C4orf51: variants seen among roughly 807,000 people sequenced by gnomAD.
C4orf51 encodes the protein chromosome 4 open reading frame 51.
C4orf51 carries 25 observed loss-of-function variants against 25.2 expected under a neutral mutation model. The observed-to-expected ratio is 0.99, with a 90% CI of 0.72 to 1.39. C4orf51 has a LOEUF of 1.39. Among genes scored for constraint, C4orf51 ranks in the 40% most tolerant of loss-of-function variants. C4orf51 has a pLI of 0.00. For missense variants in C4orf51, 252 were observed against 239.6 expected, an observed-to-expected ratio of 1.05 and a Z score of -0.34; for synonymous variants, 100 against 84.5, an observed-to-expected ratio of 1.18 and a Z score of -1.01.
chr4:145,684,118 T>TAA (rs59589436), intron 1 of C4orf51, among the ~76,000 whole-genome samples: 1 of 151,896 alleles, frequency 6.6e-6, no homozygotes, highest in Admixed American at 6.5e-5. Flanking sequence ...ACAATCCAAT[T>TAA]AAAAATGGGC....
chr4:145,692,719 T>G (rs1355559366), intron 1 of C4orf51, among the ~76,000 whole-genome samples: 1 of 152,190 alleles, frequency 6.6e-6, no homozygotes, highest in Non-Finnish European at 1.5e-5. Context: ...GTTCCTGAAG[T>G]GTGAGGACCC....
chr4:145,763,192 CA>C lies in C4orf51; in HGVS notation n.167-7795del. On this transcript the variant is annotated intron_variant and non_coding_transcript_variant, in intron 1 of 1. Coordinates refer to the C4orf51 transcript ENST00000510096. This position sits in a 1 kb window ranked among gnomAD's most constrained non-coding sequence, Gnocchi z 4.6. The stretch of plus-strand genomic sequence containing the variant: ...TTATGAACAGGATATAGAGTACAAG[CA>C]GTTCCATCACAGAAAAGCAATTTAG... 6.8e-7 allele frequency: 1 copy of C among 1,471,638 alleles called. No homozygotes were observed. 91.2% of individuals were successfully genotyped at this position (1,471,638 alleles called of 1,614,324 possible). A position where few individuals can be genotyped will look rare whatever the true frequency, so the allele number is the denominator to read the frequency against.
the C4orf51 span, among the ~76,000 whole-genome samples, chr4:145,789,129 G>A: frequency 1.2e-3 from 178 of 152,252 alleles, 1 homozygote; most frequent in African/African-American, 4.1e-3. Flanking sequence ...TTTCAATCAC[G>A]AAGATGAAAG....
Position 145,696,549 on chromosome 4 carries a change from C to T in C4orf51, c.234-10C>T, listed in dbSNP as rs1730072962. The T allele has an allele frequency of 6.2e-7, 1 of 1,610,114 alleles. No homozygotes were observed. Among genetic ancestry groups the T allele is most frequent in the East Asian group, 2.2e-5 (1 of 44,854 alleles). On this transcript the variant is annotated splice_polypyrimidine_tract_variant and intron_variant, in intron 1 of 5. Coordinates refer to ENST00000438731, the MANE Select transcript of C4orf51 (RefSeq NM_001080531.3). ...ATTTGTAACTTGTTTCTTCTACTTG[C>T]TTTCCTTAGGATGTCATTGACAAAC...
the C4orf51 span, among the ~76,000 whole-genome samples, chr4:145,790,639 C>G: frequency 6.6e-6 from 1 of 152,142 alleles, no homozygotes; most frequent in Admixed American, 6.5e-5. Flanking sequence ...CTGGTATCCT[C>G]AATTATTCTA....
Position 145,729,167 on chromosome 4 carries a change from A to G in C4orf51, c.367-2A>G, listed in dbSNP as rs764877857. 5.0e-6 allele frequency: 8 copies of G among 1,589,832 alleles called. No individual in the cohort carries two copies. In the South Asian group the frequency reaches 5.6e-5, roughly 11 times the overall value. Reference sequence around the variant, plus strand: ...ATTTATTTCTATCTCTCCTTTTTATAGGCACATCAAATTTGGGATTTTGGT... The same window carrying G: ...ATTTATTTCTATCTCTCCTTTTTATGGGCACATCAAATTTGGGATTTTGGT... On this transcript the variant is annotated splice_acceptor_variant, in intron 3 of 5. Transcript: ENST00000438731. LOFTEE classifies it high-confidence loss of function.
At chr4:145,729,514 G>A (rs1560852971) in intron 4 of C4orf51, among the ~76,000 whole-genome samples, 5 of 151,946 alleles carry the variant, frequency 3.3e-5, no homozygotes, top group Admixed American at 3.3e-4. Flanking sequence ...TGTTAGCCAG[G>A]ATGGTCTCGA....
At chr4:145,777,012 T>A in the C4orf51 span, among the ~76,000 whole-genome samples, 1 of 152,184 alleles carries the variant, frequency 6.6e-6, no homozygotes, top group Non-Finnish European at 1.5e-5. Context: ...AAAGAACAAC[T>A]CCAGTGTTCT....
intron 2 of C4orf51, among the ~76,000 whole-genome samples, chr4:145,713,770 T>A (rs1731257382): frequency 6.6e-6 from 1 of 152,148 alleles, no homozygotes; most frequent in Non-Finnish European, 1.5e-5. Context: ...ATGTCCATTT[T>A]ATTTTTTTTT....
At chr4:145,744,987 T>A (rs1199531423) in intron 1 of C4orf51, among the ~76,000 whole-genome samples, 1 of 152,234 alleles carries the variant, frequency 6.6e-6, no homozygotes, top group Non-Finnish European at 1.5e-5. Context: ...ATAAGATATC[T>A]TTGACCCTTA....
At position 145,741,592 on chromosome 4, in the gene C4orf51, G is replaced by A. The variant is rs190112409; in HGVS notation, n.167+8973G>A. Among the ~76,000 whole-genome samples, 9 of 152,342 alleles carry A rather than the reference G, an allele frequency of 5.9e-5. No homozygotes were observed. The East Asian group carries it at 1.3e-3, about 23-fold the overall frequency. ...CTAGTTTACTCTTCTTCAAAGGAAT[G>A]TGAAGTAGGGAGTGGGAAAAGGTTA... On this transcript the variant is annotated intron_variant and non_coding_transcript_variant, in intron 1 of 1. Transcript: ENST00000508981.
At chr4:145,755,484 A>G (rs549824589), downstream of C4orf51, among the ~76,000 whole-genome samples, 3 of 152,224 alleles carry the variant, frequency 2.0e-5, no homozygotes, top group South Asian at 6.2e-4. Flanking sequence ...GGAATATAGC[A>G]ATTGGTTTTT....
At chr4:145,727,925 AATATAT>A (rs1578999155) in intron 3 of C4orf51, among the ~76,000 whole-genome samples, 3 of 99,668 alleles carry the variant, frequency 3.0e-5, no homozygotes, top group Non-Finnish European at 5.4e-5. Flanking sequence ...ATATATATAA[AATATAT>A]TATATATATA....
At chr4:145,764,573 G>C (rs936892489) in intron 1 of C4orf51, 4 of 185,360 alleles carry the variant, frequency 2.2e-5, no homozygotes, top group African/African-American at 9.5e-5. Context: ...TGGTTGCAAT[G>C]CTTACTTAAA....
intron 1 of C4orf51, among the ~76,000 whole-genome samples, chr4:145,754,019 T>A (rs996776314): frequency 6.6e-6 from 1 of 152,226 alleles, no homozygotes; most frequent in Non-Finnish European, 1.5e-5. Context: ...AGACCATCAG[T>A]CCTTCTCAAG....
In C4orf51 at chr4:145,726,340, A is replaced by G. The variant is rs192638581; in HGVS notation, c.308-571A>G. Among the ~76,000 whole-genome samples the G allele has an allele frequency of 8.5e-3, 1,302 of 152,312 alleles. 13 individuals are homozygous for G. The highest frequency in any genetic ancestry group is 0.013 in the Non-Finnish European group (912 of 68,020). On this transcript the variant is annotated intron_variant, in intron 2 of 5. Coordinates refer to ENST00000438731, the MANE Select transcript of C4orf51 (RefSeq NM_001080531.3). ...GGGAACATTCAAAATCCTTTCTTGT[A>G]GCTATTCGAAAATATTCAATTTTCC...
chr4:145,758,648 C>G (rs1274403210), downstream of C4orf51: 1 of 152,220 alleles, frequency 6.6e-6, no homozygotes, highest in Non-Finnish European at 1.5e-5. Context: ...GTGTATTGTC[C>G]ATAACTATCT....
rs1328809378 is a variant in C4orf51, at chr4:145,680,435, C to T, written c.232C>T (p.Gln78Ter). 6.2e-7 allele frequency: 1 copy of T among 1,610,934 alleles called. No individual in the cohort carries two copies. Among genetic ancestry groups the T allele is most frequent in the Non-Finnish European group, 8.5e-7 (1 of 1,177,462 alleles). ...RAGQHEPECK[Q>*]MSLTNSSACH... ...AGGACAGCATGAGCCTGAGTGTAAACAGTAAGATTTCTTTGTAATTTGCAC... is the reference window on the plus strand; with the variant it reads ...AGGACAGCATGAGCCTGAGTGTAAATAGTAAGATTTCTTTGTAATTTGCAC... The change falls in exon 1 of 6, where the codon CAG becomes TAG. Residue 78 changes from glutamine to a stop codon, truncating the protein, a stop_gained and splice_region_variant. Coordinates refer to ENST00000438731, the MANE Select transcript of C4orf51 (RefSeq NM_001080531.3). LOFTEE classifies it high-confidence loss of function.
chr4:145,705,876 G>T (rs1203181595), intron 2 of C4orf51, among the ~76,000 whole-genome samples: 55 of 152,170 alleles, frequency 3.6e-4, no homozygotes, highest in Non-Finnish European at 1.0e-4. Context: ...TTCTGAGACT[G>T]CCATTATGCT....
Sources: gnomAD v4.1 joint callset for allele counts (sites outside exome capture counted in the v4.1 genomes callset) on GRCh38, gnomAD v4.1.1 for gene constraint, Gnocchi (gnomAD v3.1) non-coding constraint, MANE v1.5 for transcripts, NCBI Gene and HGNC (gene_info 2026-07-23, HGNC 2026-07-21) for gene names.